The following MAP2K6 variants were observed in gnomAD, a reference collection of about 807,000 sequenced individuals.
MAP2K6 encodes the protein dual specificity mitogen-activated protein kinase kinase 6.
MAP2K6 carries 16 observed loss-of-function variants against 53.7 expected under a neutral mutation model. The observed-to-expected ratio is 0.30, with a 90% CI of 0.20 to 0.45. The LOEUF is 0.45. MAP2K6 is among the 20% of genes least tolerant of loss of function. The pLI is 1.00. For missense variants in MAP2K6, 204 were observed against 411.9 expected, an observed-to-expected ratio of 0.50 and a Z score of 4.37; for synonymous variants, 132 against 143.1, an observed-to-expected ratio of 0.92 and a Z score of 0.55.
chr17:69,450,021 G>A (rs563935681), intron 1 of MAP2K6, among the ~76,000 whole-genome samples: 3 of 151,420 alleles, frequency 2.0e-5, no homozygotes, highest in Non-Finnish European at 4.4e-5. Flanking sequence ...TGCAACCTCC[G>A]CCTCCCAGGT....
chr17:69,477,496 C>T (rs1908193054), intron 1 of MAP2K6: 1 of 152,196 alleles, frequency 6.6e-6, no homozygotes, highest in Non-Finnish European at 1.5e-5. Context: ...CATCAAGTTG[C>T]ACCTGTTTGG....
intron 1 of MAP2K6, among the ~76,000 whole-genome samples, chr17:69,501,500 C>G (rs1909173356): frequency 6.6e-6 from 1 of 152,124 alleles, no homozygotes; most frequent in Admixed American, 6.6e-5. Flanking sequence ...ATTGGCAAGG[C>G]TTTTTAAATT....
chr17:69,536,047 C>T, intron 10 of MAP2K6, 68 bp from the exon 11 acceptor site: 1 of 1,038,676 alleles, frequency 9.6e-7, no homozygotes, highest in Non-Finnish European at 1.5e-6. Flanking sequence ...TCTACAGGTT[C>T]TGAAATCCTT....
chr17:69,431,519 G>A (rs577544544), intron 1 of MAP2K6, among the ~76,000 whole-genome samples: 95 of 152,272 alleles, frequency 6.2e-4, no homozygotes, highest in African/African-American at 2.2e-3. Context: ...TTACAAATAA[G>A]TGCATGTGTT....
chr17:69,502,870 T>A (rs1158259271), intron 1 of MAP2K6, among the ~76,000 whole-genome samples: 4 of 152,202 alleles, frequency 2.6e-5, no homozygotes, highest in Non-Finnish European at 5.9e-5. Flanking sequence ...GATGTTTTGG[T>A]GATTTAAGTT....
intron 1 of MAP2K6, among the ~76,000 whole-genome samples, chr17:69,447,892 G>A (rs960942963): frequency 6.6e-6 from 1 of 152,172 alleles, no homozygotes; most frequent in African/African-American, 2.4e-5. Context: ...GGAGAGACTG[G>A]GCTGAGTCCA....
At chr17:69,471,935 G>T (rs1362248643) in intron 1 of MAP2K6, among the ~76,000 whole-genome samples, 2 of 152,168 alleles carry the variant, frequency 1.3e-5, no homozygotes, top group East Asian at 1.9e-4. Context: ...TCTGTTTCTA[G>T]AAGCTGCAGT....
chr17:69,526,567 C>T lies in MAP2K6; in HGVS notation c.742-3C>T. 6.2e-7 allele frequency: 1 copy of T among 1,612,802 alleles called. No homozygotes were observed. Among genetic ancestry groups the T allele is most frequent in the South Asian group, 1.1e-5 (1 of 90,912 alleles). On this transcript the variant is annotated splice_polypyrimidine_tract_variant and splice_region_variant and intron_variant, in intron 9 of 11. Transcript: ENST00000590474. ...TTGTCTCCTTTTTTCTTCTTTTCTC[C>T]AGATTGAGTTGGCCATCCTTCGATT... is the stretch of plus-strand genomic sequence containing the variant.
At position 69,454,061 on chromosome 17, in the gene MAP2K6, T is replaced by G. The variant is rs548904423; in HGVS notation, c.16+39061T>G. ...AGCCACAAACATAGGAGTTTTCAGA[T>G]TTTAAAGGCTATTTTCAGAAAAACG... On this transcript the variant is annotated intron_variant, in intron 1 of 11. Transcript: ENST00000590474. Among the ~76,000 whole-genome samples the G allele has an allele frequency of 1.2e-4, 19 of 152,376 alleles. No homozygotes were observed. The South Asian group carries it at 3.7e-3, about 30-fold the overall frequency.
chr17:69,422,674 A>T (rs1397997321), intron 1 of MAP2K6, among the ~76,000 whole-genome samples: 1 of 152,194 alleles, frequency 6.6e-6, no homozygotes, highest in Non-Finnish European at 1.5e-5. Flanking sequence ...TTCATATAGT[A>T]TGCTTTAGGA....
chr17:69,520,996 C>A, intron 6 of MAP2K6, 53 bp from the exon 7 acceptor site: 1 of 1,418,954 alleles, frequency 7.0e-7, no homozygotes, highest in South Asian at 1.2e-5. Flanking sequence ...ACTTAACATT[C>A]AATTTCTTTC....
At chr17:69,419,297 G>T (rs2145124517) in intron 1 of MAP2K6, among the ~76,000 whole-genome samples, 1 of 152,224 alleles carries the variant, frequency 6.6e-6, no homozygotes, top group Middle Eastern at 3.4e-3. Flanking sequence ...TCCTAGAGGT[G>T]GAAGTCCTGG....
chr17:69,488,507 C>T (rs970682866), intron 1 of MAP2K6, among the ~76,000 whole-genome samples: 8 of 152,198 alleles, frequency 5.3e-5, no homozygotes, highest in Admixed American at 3.3e-4. Flanking sequence ...GTAGTAAAGA[C>T]ATGGACTCAA....
chr17:69,468,859 G>A (rs180790893), intron 1 of MAP2K6, among the ~76,000 whole-genome samples: 74 of 152,214 alleles, frequency 4.9e-4, no homozygotes, highest in African/African-American at 1.7e-3. Context: ...AACAAAAGGC[G>A]GGTTGAACAA....
At chr17:69,478,997 A>C (rs899142327) in intron 1 of MAP2K6, among the ~76,000 whole-genome samples, 1 of 152,116 alleles carries the variant, frequency 6.6e-6, no homozygotes, top group Admixed American at 6.6e-5. Flanking sequence ...GCTTAGATGC[A>C]TATTGAATGT....
chr17:69,457,630 A>AAAAC (rs957323646), intron 1 of MAP2K6, among the ~76,000 whole-genome samples: 119 of 152,204 alleles, frequency 7.8e-4, no homozygotes, highest in African/African-American at 2.3e-3. Context: ...ACTTGAGCTA[A>AAAAC]AAACAAACAA....
intron 2 of MAP2K6, among the ~76,000 whole-genome samples, chr17:69,509,597 C>A (rs989345793): frequency 1.3e-5 from 2 of 152,040 alleles, no homozygotes; most frequent in African/African-American, 4.8e-5. Flanking sequence ...CTTTTCCAAT[C>A]TTTACTTTGA....
intron 8 of MAP2K6, 47 bp downstream of exon 8, chr17:69,523,688 A>G (rs749345223): frequency 1.7e-5 from 28 of 1,601,444 alleles, no homozygotes; most frequent in Non-Finnish European, 2.4e-5. Context: ...ACTGCCGACA[A>G]ATCATGCTGG....
At chr17:69,473,606 T>A (rs1456881640) in intron 1 of MAP2K6, among the ~76,000 whole-genome samples, 2 of 152,202 alleles carry the variant, frequency 1.3e-5, no homozygotes, top group African/African-American at 4.8e-5. Flanking sequence ...AAATTTTTCT[T>A]TAAGCATCAG....
Sources: gnomAD v4.1 joint callset for allele counts (sites outside exome capture counted in the v4.1 genomes callset) on GRCh38, gnomAD v4.1.1 for gene constraint, MANE v1.5 for transcripts, NCBI Gene and HGNC (gene_info 2026-07-23, HGNC 2026-07-21) for gene names.